AKAP7: variants seen among roughly 807,000 people sequenced by gnomAD.
AKAP7 encodes A-kinase anchoring protein 7.
In AKAP7, 39 loss-of-function variants were observed where a neutral mutation model predicts 39.5. The observed-to-expected ratio is 0.99, with a 90% confidence interval of 0.76 to 1.29. AKAP7 has a LOEUF of 1.29. AKAP7 is among the 50% of genes most tolerant of loss of function. AKAP7 has a pLI of 0.00. For synonymous variants in AKAP7, 140 were observed against 139.1 expected, an observed-to-expected ratio of 1.01 and a Z score of -0.05; for missense variants, 414 against 407.7, an observed-to-expected ratio of 1.02 and a Z score of -0.13.
the AKAP7 span, among the ~76,000 whole-genome samples, chr6:131,127,558 A>AG: frequency 6.6e-6 from 1 of 152,252 alleles, no homozygotes; most frequent in Non-Finnish European, 1.5e-5. Context: ...AAAACCACTA[A>AG]GGAAAATTAA....
At chr6:131,139,997 C>G (rs1036934665) in intron 1 of AKAP7, among the ~76,000 whole-genome samples, 27 of 152,334 alleles carry the variant, frequency 1.8e-4, no homozygotes, top group African/African-American at 6.5e-4. Context: ...AGCTGGCGAT[C>G]TGCAAGGTTT....
At chr6:131,125,665 G>A in the AKAP7 span, among the ~76,000 whole-genome samples, 1 of 152,142 alleles carries the variant, frequency 6.6e-6, no homozygotes, top group African/African-American at 2.4e-5. Flanking sequence ...AAGTGGCTTA[G>A]GCAGCCTTAA....
At chr6:131,249,608 A>G (rs1218732891) in intron 7 of AKAP7, among the ~76,000 whole-genome samples, 1 of 152,170 alleles carries the variant, frequency 6.6e-6, no homozygotes, top group African/African-American at 2.4e-5. Flanking sequence ...GTCATAAACT[A>G]AGGCTATTCC....
At chr6:131,205,945 C>A (rs1042397349) in intron 6 of AKAP7, among the ~76,000 whole-genome samples, 2 of 152,182 alleles carry the variant, frequency 1.3e-5, no homozygotes, top group African/African-American at 4.8e-5. Flanking sequence ...AGTCCGCTAA[C>A]TTGTTCAGCC....
At chr6:131,189,887 G>A (rs1400960599) in intron 5 of AKAP7, among the ~76,000 whole-genome samples, 1 of 152,144 alleles carries the variant, frequency 6.6e-6, no homozygotes, top group Non-Finnish European at 1.5e-5. Flanking sequence ...TATGTGTTTT[G>A]TGATTTTTGG....
rs9492891 is a variant in AKAP7, at chr6:131,282,802, A to G, written c.*1076A>G. ...TTGAGCTACACTTGTGTTTTAGAAT[A>G]TCTGTTTCTGTAATATTGAGAGTTA... On this transcript the variant is annotated 3_prime_UTR_variant, in exon 8 of 8. Transcript: ENST00000431975. 14,730 of 481,426 alleles carry G rather than the reference A, an allele frequency of 0.031. 1,708 individuals are homozygous for G. The highest frequency in any genetic ancestry group is 0.25 in the African/African-American group (12,912 of 51,112). The allele number at this position is 481,426 out of a possible 1,614,324, so 29.8% of individuals were successfully genotyped here. A position where few individuals can be genotyped will look rare whatever the true frequency, so the allele number is the denominator to read the frequency against.
At chr6:131,167,051 G>C (rs1803577046) in intron 4 of AKAP7, among the ~76,000 whole-genome samples, 1 of 152,146 alleles carries the variant, frequency 6.6e-6, no homozygotes, top group Admixed American at 6.5e-5. Flanking sequence ...GCTAAGCCCT[G>C]CTGCTGATTT....
intron 7 of AKAP7, among the ~76,000 whole-genome samples, chr6:131,241,276 G>C (rs1811531489): frequency 6.6e-6 from 1 of 152,168 alleles, no homozygotes; most frequent in African/African-American, 2.4e-5. Flanking sequence ...GGCATTTGCA[G>C]TGGATGGAGA....
chr6:131,251,848 A>G (rs1002617014), intron 7 of AKAP7, among the ~76,000 whole-genome samples: 1 of 152,242 alleles, frequency 6.6e-6, no homozygotes, highest in Non-Finnish European at 1.5e-5. Flanking sequence ...TTGGCAGCCC[A>G]AGACTCTTCA....
At chr6:131,165,671 C>T (rs919019556) in intron 4 of AKAP7, among the ~76,000 whole-genome samples, 3 of 152,186 alleles carry the variant, frequency 2.0e-5, no homozygotes, top group Admixed American at 2.0e-4. Context: ...TAAGAGCTGC[C>T]ATTTTACTAA....
At chr6:131,183,307 C>T (rs1283700071) in intron 5 of AKAP7, among the ~76,000 whole-genome samples, 1 of 152,108 alleles carries the variant, frequency 6.6e-6, no homozygotes, top group Non-Finnish European at 1.5e-5. Flanking sequence ...AAGACCTTAC[C>T]AGCTGCTAGC....
chr6:131,210,745 T>C (rs1487192192), intron 6 of AKAP7, among the ~76,000 whole-genome samples: 2 of 152,244 alleles, frequency 1.3e-5, no homozygotes, highest in Non-Finnish European at 2.9e-5. Context: ...GGATTTTCAT[T>C]GGCCATTCAT....
intron 7 of AKAP7, among the ~76,000 whole-genome samples, chr6:131,261,866 G>A (rs1025915570): frequency 6.6e-6 from 1 of 152,096 alleles, no homozygotes; most frequent in Non-Finnish European, 1.5e-5. Context: ...TTAACAGAGA[G>A]AATTTAACGT....
At chr6:131,184,340 G>T in intron 5 of AKAP7, 1 of 642,018 alleles carries the variant, frequency 1.6e-6, no homozygotes, top group Non-Finnish European at 3.0e-6. Context: ...AGGAGTTCTT[G>T]TTCTGGTAGA....
Position 131,218,277 on chromosome 6 carries a change from C to T in AKAP7, c.703-1384C>T, listed in dbSNP as rs148273235. The stretch of plus-strand genomic sequence containing the variant: ...ATGAATAAATTATGAGACTTTCATG[C>T]AATGAAGTACTATGGAGAAAAATAT... On this transcript the variant is annotated intron_variant, in intron 6 of 7. Transcript: ENST00000431975. Among the ~76,000 whole-genome samples, 36 of 152,150 alleles carry T rather than the reference C, an allele frequency of 2.4e-4. No individual in the cohort carries two copies. In the East Asian group the frequency reaches 6.6e-3, roughly 28 times the overall value.
chr6:131,145,809 C>T (rs1406180336), intron 2 of AKAP7, among the ~76,000 whole-genome samples: 1 of 152,138 alleles, frequency 6.6e-6, no homozygotes, highest in African/African-American at 2.4e-5. Context: ...CTGCCTTGGC[C>T]TCCAAAAGTG....
At chr6:131,137,808 A>G (rs1800692648) in intron 1 of AKAP7, 1 of 152,344 alleles carries the variant, frequency 6.6e-6, no homozygotes, top group Middle Eastern at 3.4e-3. Context: ...GTAATATTCA[A>G]TTTTGAAACG....
Position 131,282,811 on chromosome 6 carries a change from T to G in AKAP7, c.*1085T>G, listed in dbSNP as rs1294005098. On this transcript the variant is annotated 3_prime_UTR_variant, in exon 8 of 8. Transcript: ENST00000431975. ...ACTTGTGTTTTAGAATATCTGTTTC[T>G]GTAATATTGAGAGTTATTTTATAGA... The G allele has an allele frequency of 6.5e-6, 3 of 461,034 alleles. No homozygotes were observed. Among genetic ancestry groups the G allele is most frequent in the Non-Finnish European group, 1.1e-5 (3 of 261,774 alleles). 28.6% of individuals were successfully genotyped at this position (461,034 alleles called of 1,614,324 possible).
chr6:131,281,296 A>G lies in AKAP7; in HGVS notation c.851-234A>G, dbSNP rs1349065114. ...TAAATGGGAAACATCCGGCATTGGT[A>G]GGTAGAGCTTGTCTAGATTGGGACT... On this transcript the variant is annotated intron_variant, in intron 7 of 7. Transcript: ENST00000431975. The surrounding 1 kb of genome is among the most constrained non-coding windows in gnomAD (Gnocchi z 4.0). Among the ~76,000 whole-genome samples the G allele has an allele frequency of 1.3e-5, 2 of 152,246 alleles. No homozygotes were observed. The highest frequency in any genetic ancestry group is 3.8e-4 in the East Asian group (2 of 5,202).
Sources: allele counts gnomAD v4.1 joint callset (sites outside exome capture counted in the v4.1 genomes callset), GRCh38; gene constraint gnomAD v4.1.1; non-coding constraint Gnocchi (gnomAD v3.1); transcripts MANE v1.5; gene names NCBI Gene and HGNC (gene_info 2026-07-23, HGNC 2026-07-21).